Variants in NFATC1 observed in about 807,000 individuals in gnomAD.
NFATC1 encodes the protein nuclear factor of activated T cells 1.
In NFATC1, 22 loss-of-function variants were observed where a neutral mutation model predicts 76.0. That is an observed-to-expected ratio of 0.29 (90% CI 0.21 to 0.41). The LOEUF is 0.41. NFATC1 is among the 10% of genes least tolerant of loss of function. The pLI is 1.00. For missense variants in NFATC1, 1,357 were observed against 1,337.7 expected (o/e 1.01, Z -0.23); for synonymous variants, 704 against 613.1 (o/e 1.15, Z -2.19).
At chr18:79,503,790 G>A (rs2090063001) in intron 9 of NFATC1, among the ~76,000 whole-genome samples, 1 of 152,230 alleles carries the variant, frequency 6.6e-6, no homozygotes, top group African/African-American at 2.4e-5. Context: ...CAGAAAATCT[G>A]TTGTTTAGTG....
chr18:79,397,523 T>C (rs1284209525), intron 1 of NFATC1, among the ~76,000 whole-genome samples: 1 of 152,200 alleles, frequency 6.6e-6, no homozygotes, highest in East Asian at 1.9e-4. Flanking sequence ...GCCCTGACGC[T>C]TCACGGGACG....
intron 2 of NFATC1, among the ~76,000 whole-genome samples, chr18:79,419,653 T>G (rs1275391234): frequency 1.3e-5 from 2 of 152,186 alleles, no homozygotes; most frequent in African/African-American, 4.8e-5. Flanking sequence ...TTCCCAATTT[T>G]GAGATTTCCT....
intron 8 of NFATC1, among the ~76,000 whole-genome samples, chr18:79,481,372 C>A (rs1256118393): frequency 2.6e-5 from 4 of 152,222 alleles, no homozygotes; most frequent in Non-Finnish European, 5.9e-5. Flanking sequence ...CCGCCTCCTG[C>A]CACCCCTTCA....
intron 9 of NFATC1, among the ~76,000 whole-genome samples, chr18:79,491,883 C>A (rs991078864): frequency 2.0e-5 from 3 of 152,118 alleles, no homozygotes; most frequent in African/African-American, 7.2e-5. Flanking sequence ...CTCCGCCTGA[C>A]CAGAATCAGA....
intron 5 of NFATC1, 126 bp downstream of exon 5, chr18:79,451,252 A>G (rs146897661): frequency 1.4e-5 from 17 of 1,204,280 alleles, no homozygotes; most frequent in Non-Finnish European, 1.8e-5. Flanking sequence ...CAAACCCACC[A>G]CAGTGTGTGG....
At chr18:79,453,170 G>A (rs1010378961) in intron 6 of NFATC1, among the ~76,000 whole-genome samples, 12 of 152,234 alleles carry the variant, frequency 7.9e-5, no homozygotes, top group Admixed American at 2.6e-4. Flanking sequence ...GTGTCCACGC[G>A]TTGGCGGAGA....
chr18:79,529,100 C>G lies in NFATC1; in HGVS notation c.*1523C>G, dbSNP rs761974327. ...GCACAATCGCGTCTCTTGTGTCTCA[C>G]TCACGGAAAGAAACAACCTGAAGGC... On this transcript the variant is annotated 3_prime_UTR_variant, in exon 10 of 10. Transcript: ENST00000427363. 2.0e-5 allele frequency: 3 copies of G among 152,352 alleles called. No homozygotes were observed. The highest frequency in any genetic ancestry group is 7.2e-5 in the African/African-American group (3 of 41,470). The allele number at this position is 152,352 out of a possible 1,614,324, so 9.4% of individuals were successfully genotyped here.
chr18:79,479,633 G>GT (rs1441495826), intron 8 of NFATC1, among the ~76,000 whole-genome samples: 1 of 152,232 alleles, frequency 6.6e-6, no homozygotes, highest in Non-Finnish European at 1.5e-5. Flanking sequence ...GCTTCTCTCT[G>GT]TATTGGGAAG....
At chr18:79,520,189 C>G (rs2090481573) in intron 9 of NFATC1, among the ~76,000 whole-genome samples, 2 of 152,234 alleles carry the variant, frequency 1.3e-5, no homozygotes, top group Non-Finnish European at 1.5e-5. Context: ...CTCCGGGCCC[C>G]TCACGGGAGG....
Position 79,499,630 on chromosome 18 carries a change from C to G in NFATC1, c.2782+12693C>G, listed in dbSNP as rs375179239. On this transcript the variant is annotated intron_variant, in intron 9 of 9. Transcript: ENST00000427363. ...GAAACAGGGTACAACCATATGCTGT[C>G]TAAAAAATACATATTTTAGATTTAA... Among the ~76,000 whole-genome samples the G allele has an allele frequency of 1.5e-4, 23 of 152,022 alleles. No individual in the cohort carries two copies. In the South Asian group the frequency reaches 4.8e-3, roughly 32 times the overall value.
chr18:79,501,874 G>A (rs2090022682), intron 9 of NFATC1, among the ~76,000 whole-genome samples: 1 of 152,106 alleles, frequency 6.6e-6, no homozygotes. Context: ...TAAATAAATG[G>A]GAGAACATTG....
At position 79,410,472 on chromosome 18, in the gene NFATC1, C is replaced by A. The variant is rs148104245; in HGVS notation, c.197C>A (p.Pro66Gln). Residue 66 changes from proline (P) to glutamine (Q), a missense_variant, in exon 2 of 10, where the codon CCG (proline) becomes CAG (glutamine). Around this residue, in one of 3 missense-constraint regions of NFATC1, gnomAD observed 691 missense variants for 613.1 expected, o/e 1.13. Transcript: ENST00000427363. The surrounding 1 kb of genome is among the most constrained non-coding windows in gnomAD (Gnocchi z 6.7). ...LPLPTAHSTL[P>Q]APCHNLQTST... The stretch of plus-strand genomic sequence containing the variant: ...CTCCCCACGGCGCACTCCACCCTGC[C>A]GGCCCCGTGCCACAACCTTCAGACC... 1 of 1,612,424 alleles carries A rather than the reference C, an allele frequency of 6.2e-7. No individual in the cohort carries two copies. The highest frequency in any genetic ancestry group is 1.6e-4 in the Middle Eastern group (1 of 6,062).
At chr18:79,522,115 T>C (rs2090614686) in intron 9 of NFATC1, among the ~76,000 whole-genome samples, 1 of 90,326 alleles carries the variant, frequency 1.1e-5, no homozygotes, top group Admixed American at 1.5e-4. Context: ...TGTTTTGTTT[T>C]GTGTATGGGG....
At position 79,410,769 on chromosome 18, in the gene NFATC1, A is replaced by G; in HGVS notation, c.494A>G (p.Tyr165Cys). 1 of 1,612,928 alleles carries G rather than the reference A, an allele frequency of 6.2e-7. No individual in the cohort carries two copies. The highest frequency in any genetic ancestry group is 8.5e-7 in the Non-Finnish European group (1 of 1,179,960). Residue 165 changes from tyrosine (Y) to cysteine (C), a missense_variant, in exon 2 of 10, where the codon TAC becomes TGC. By Grantham distance (194) the Tyr-to-Cys change is radical (BLOSUM62 -2). Coordinates refer to ENST00000427363, the MANE Select transcript of NFATC1 (RefSeq NM_001278669.2). This position sits in a 1 kb window ranked among gnomAD's most constrained non-coding sequence, Gnocchi z 6.7. ...ATLSLPSLEA[Y>C]RDPSCLSPAS... ...CTGAGTCTGCCCAGCCTGGAGGCCT[A>G]CAGAGACCCCTCGTGCCTGAGCCCG...
rs1437904463 is a variant in NFATC1 at position 79,527,573 on chromosome 18, C to T, written c.2828C>T (p.Ser943Phe). Residue 943 changes from serine to phenylalanine, a missense_variant, in exon 10 of 10, where the codon TCC (serine) becomes TTC (phenylalanine). Physicochemically the swap from Ser to Phe is radical, Grantham distance 155. Coordinates refer to ENST00000427363, the MANE Select transcript of NFATC1 (RefSeq NM_001278669.2). ...RNDLSSTSTH[S>F] ...GACCTCTCCAGCACGAGCACCCACT[C>T]CTAGTTGCCACATTGGAGCACTCAG... 3.1e-6 allele frequency: 5 copies of T among 1,613,848 alleles called. No homozygotes were observed. Among genetic ancestry groups the T allele is most frequent in the Non-Finnish European group, 4.2e-6 (5 of 1,179,920 alleles).
chr18:79,450,144 G>A (rs543157413), intron 4 of NFATC1, among the ~76,000 whole-genome samples: 4 of 152,176 alleles, frequency 2.6e-5, no homozygotes, highest in African/African-American at 9.7e-5. Context: ...AGCCAGGACC[G>A]CGCTCCAGCC....
At chr18:79,464,669 T>TGTGTGTAC (rs1224530916) in intron 7 of NFATC1, among the ~76,000 whole-genome samples, 1 of 122,290 alleles carries the variant, frequency 8.2e-6, no homozygotes, top group African/African-American at 3.7e-5. Flanking sequence ...TGTGTGTGTG[T>TGTGTGTAC]GTATATGTAT....
chr18:79,452,876 T>C (rs1466504854), intron 6 of NFATC1, among the ~76,000 whole-genome samples: 2 of 152,242 alleles, frequency 1.3e-5, no homozygotes, highest in Admixed American at 1.3e-4. Context: ...TGGAATTCTT[T>C]TGCACTTACT....
intron 9 of NFATC1, among the ~76,000 whole-genome samples, chr18:79,507,921 G>T (rs2090154156): frequency 6.6e-6 from 1 of 152,236 alleles, no homozygotes; most frequent in Non-Finnish European, 1.5e-5. Flanking sequence ...CTCTGGCCGG[G>T]CTCCCCGCAG....
Sources: allele counts gnomAD v4.1 joint callset (sites outside exome capture counted in the v4.1 genomes callset), GRCh38; gene constraint gnomAD v4.1.1; regional missense constraint gnomAD v4.1.1; non-coding constraint Gnocchi (gnomAD v3.1); transcripts MANE v1.5; gene names NCBI Gene and HGNC (gene_info 2026-07-23, HGNC 2026-07-21).